The following KCTD2 variants were observed in gnomAD, a reference collection of about 807,000 sequenced individuals.
KCTD2 encodes potassium channel tetramerization domain containing 2.
In KCTD2, 18 loss-of-function variants were observed where a neutral mutation model predicts 27.9. The observed-to-expected ratio is 0.64, with a 90% confidence interval of 0.45 to 0.96. KCTD2 has a LOEUF of 0.96. Ranked by LOEUF, KCTD2 falls within the 40% of genes least tolerant of loss-of-function variation. The pLI is 0.00. For missense variants in KCTD2, 280 were observed against 348.0 expected (o/e 0.80, Z 1.56); for synonymous variants, 175 against 148.4 (o/e 1.18, Z -1.30).
intron 3 of KCTD2, among the ~76,000 whole-genome samples, chr17:75,058,384 A>G (rs563648146): frequency 6.6e-6 from 1 of 152,162 alleles, no homozygotes; most frequent in Admixed American, 6.5e-5. Context: ...CATGCCTGTA[A>G]TCCCAGCTAC....
intron 5 of KCTD2, among the ~76,000 whole-genome samples, 154 bp from the exon 6 acceptor site, chr17:75,062,864 A>G (rs1347308113): frequency 6.6e-6 from 1 of 152,178 alleles, no homozygotes; most frequent in Non-Finnish European, 1.5e-5. Flanking sequence ...GTTTCGCACC[A>G]GAAGCACTGC....
chr17:75,050,058 TAGAA>T (rs1356211069), intron 2 of KCTD2, among the ~76,000 whole-genome samples: 1 of 152,230 alleles, frequency 6.6e-6, no homozygotes, highest in Non-Finnish European at 1.5e-5. Flanking sequence ...TTTCAGCTAG[TAGAA>T]AGAGGAATTG....
At chr17:75,055,183 T>C (rs2073336683) in intron 3 of KCTD2, among the ~76,000 whole-genome samples, 1 of 151,868 alleles carries the variant, frequency 6.6e-6, no homozygotes, top group Non-Finnish European at 1.5e-5. Flanking sequence ...GCCACCTGAG[T>C]AGCTGTGATT....
intron 2 of KCTD2, 151 bp from the exon 3 acceptor site, chr17:75,052,863 C>T (rs971229051): frequency 4.8e-6 from 3 of 629,510 alleles, no homozygotes; most frequent in Non-Finnish European, 8.6e-6. Flanking sequence ...CACTGAACTC[C>T]AGCCTGGGCG....
rs980555717 is a variant in KCTD2 at position 75,039,583 on chromosome 17, G to C, written c.-259+4226G>C. 7 of 346,324 alleles carry C rather than the reference G, an allele frequency of 2.0e-5. No homozygotes were observed. The Admixed American group carries it at 2.6e-4, about 13-fold the overall frequency. 21.5% of individuals were successfully genotyped at this position (346,324 alleles called of 1,614,324 possible). A position where few individuals can be genotyped will look rare whatever the true frequency, so the allele number is the denominator to read the frequency against. ...TGAATGGTCAGGACACGCCACCTGA[G>C]CACCTAGCCAGACTTCTCTCTGGTG... is the stretch of plus-strand genomic sequence containing the variant. On this transcript the variant is annotated intron_variant, in intron 3 of 7. Coordinates refer to the KCTD2 transcript ENST00000581589.
intron 2 of KCTD2, among the ~76,000 whole-genome samples, chr17:75,049,846 A>T (rs1252392566): frequency 6.6e-6 from 1 of 152,134 alleles, no homozygotes; most frequent in African/African-American, 2.4e-5. Context: ...TACTTGCCTC[A>T]TCTTTGTGGT....
At chr17:75,034,224 TCCCAGGA>T (rs1483724908) in intron 2 of KCTD2, 8 of 152,238 alleles carry the variant, frequency 5.3e-5, no homozygotes, top group African/African-American at 1.7e-4. Context: ...CCCAAAGGGT[TCCCAGGA>T]CACCCCAGCT....
At chr17:75,035,170 A>T (rs1054064288) in intron 2 of KCTD2, 4 of 152,094 alleles carry the variant, frequency 2.6e-5, no homozygotes, top group Non-Finnish European at 4.4e-5. Flanking sequence ...TGAGGGTTCG[A>T]GTCCCTTCGT....
intron 5 of KCTD2, 87 bp downstream of exon 5, chr17:75,062,332 T>G (rs1249761855): frequency 7.5e-7 from 1 of 1,336,088 alleles, no homozygotes; most frequent in East Asian, 2.4e-5. Flanking sequence ...TGCTCCTCAC[T>G]TCTTCCCTGG....
At position 75,059,399 on chromosome 17, in the gene KCTD2, A is replaced by G. The variant is rs376513861; in HGVS notation, c.541-111A>G. On this transcript the variant is annotated intron_variant, in intron 3 of 5. Coordinates refer to ENST00000322444, the MANE Select transcript of KCTD2 (RefSeq NM_015353.3). Reference sequence around the variant, plus strand: ...GATAGTGGGTGGCTGCCAAGAAAAGATTTCCAAGCAAACTCCTTTTCAGTG... The same window carrying G: ...GATAGTGGGTGGCTGCCAAGAAAAGGTTTCCAAGCAAACTCCTTTTCAGTG... 35 of 582,888 alleles carry G rather than the reference A, an allele frequency of 6.0e-5. No individual in the cohort carries two copies. In the South Asian group the frequency reaches 1.2e-3, roughly 19 times the overall value. The allele number at this position is 582,888 out of a possible 1,614,324, so 36.1% of individuals were successfully genotyped here. A position where few individuals can be genotyped will look rare whatever the true frequency, so the allele number is the denominator to read the frequency against.
intron 4 of KCTD2, among the ~76,000 whole-genome samples, chr17:75,061,455 G>C (rs1320954179): frequency 6.6e-6 from 1 of 152,146 alleles, no homozygotes; most frequent in Non-Finnish European, 1.5e-5. Context: ...AGACCAGCCT[G>C]GGCAACATAG....
chr17:75,061,554 G>A (rs768282823), intron 4 of KCTD2, among the ~76,000 whole-genome samples: 9 of 152,186 alleles, frequency 5.9e-5, no homozygotes, highest in African/African-American at 1.7e-4. Context: ...GGAGGCTGAC[G>A]TGGGAGGATC....
At chr17:75,062,001 TAAA>T (rs1458481026) in intron 4 of KCTD2, 116 bp from the exon 5 acceptor site, 14 of 1,152,906 alleles carry the variant, frequency 1.2e-5, no homozygotes, top group Non-Finnish European at 1.6e-5. Flanking sequence ...AGAACTCATA[TAAA>T]GAGTTAAACC....
At chr17:75,057,111 G>A (rs1394518301) in intron 3 of KCTD2, among the ~76,000 whole-genome samples, 1 of 151,516 alleles carries the variant, frequency 6.6e-6, no homozygotes, top group African/African-American at 2.4e-5. Flanking sequence ...GCACCACCAC[G>A]CCCGGCTAAT....
intron 4 of KCTD2, 79 bp downstream of exon 4, chr17:75,059,684 C>A: frequency 2.8e-6 from 3 of 1,086,750 alleles, no homozygotes; most frequent in Non-Finnish European, 4.1e-6. Flanking sequence ...TGTGGATGGC[C>A]AATTAATAAC....
At chr17:75,053,201 A>G in intron 3 of KCTD2, 96 bp downstream of exon 3, 1 of 945,738 alleles carries the variant, frequency 1.1e-6, no homozygotes, top group South Asian at 1.4e-5. Flanking sequence ...TTAGAGCTGG[A>G]GGTGTGTGTG....
At chr17:75,048,938 A>G in intron 1 of KCTD2, 1 of 270,898 alleles carries the variant, frequency 3.7e-6, no homozygotes. Flanking sequence ...TGTCCAGGCA[A>G]AGATTGCAAA....
intron 4 of KCTD2, 131 bp from the exon 5 acceptor site, chr17:75,061,989 A>G: frequency 1.0e-6 from 1 of 1,002,074 alleles, no homozygotes; most frequent in Non-Finnish European, 1.5e-6. Flanking sequence ...TGGTAGTCAC[A>G]GAGAACTCAT....
intron 2 of KCTD2, among the ~76,000 whole-genome samples, chr17:75,052,734 A>T (rs570443364): frequency 6.6e-6 from 1 of 151,824 alleles, no homozygotes; most frequent in Non-Finnish European, 1.5e-5. Context: ...GGGCGGGGGG[A>T]AAAAATAGAA....
Sources: gnomAD v4.1 joint callset for allele counts (sites outside exome capture counted in the v4.1 genomes callset) on GRCh38, gnomAD v4.1.1 for gene constraint, MANE v1.5 for transcripts, NCBI Gene and HGNC (gene_info 2026-07-23, HGNC 2026-07-21) for gene names.